HIP1: variants seen among roughly 807,000 people sequenced by gnomAD.
HIP1 encodes the protein huntingtin-interacting protein 1.
A neutral mutation model predicts 147.6 loss-of-function variants in HIP1; 65 were observed. The observed-to-expected ratio is 0.44, with a 90% CI of 0.36 to 0.54. HIP1 has a LOEUF of 0.54. Ranked by LOEUF, HIP1 falls within the 20% of genes least tolerant of loss-of-function variation. The pLI is 0.00. For missense variants in HIP1, 1,061 were observed against 1,299.6 expected, an observed-to-expected ratio of 0.82 and a Z score of 2.82; for synonymous variants, 479 against 504.0, an observed-to-expected ratio of 0.95 and a Z score of 0.67.
intron 1 of HIP1, chr7:75,625,987 T>A: frequency 6.6e-6 from 1 of 151,838 alleles, no homozygotes; most frequent in East Asian, 1.9e-4. Context: ...TCTTCTACCT[T>A]TTTTTTTGCC....
At chr7:75,623,414 A>T (rs1209149317) in intron 1 of HIP1, among the ~76,000 whole-genome samples, 1 of 152,046 alleles carries the variant, frequency 6.6e-6, no homozygotes, top group Non-Finnish European at 1.5e-5. Context: ...CATGCGCATG[A>T]GGAGAGGACG....
Position 75,581,250 on chromosome 7 carries a change from G to A in HIP1, c.591C>T (p.Asn197=). The change falls in exon 7 of 31, where the codon AAC becomes AAT. Residue 197 remains asparagine, a synonymous_variant. Coordinates refer to ENST00000336926, the MANE Select transcript of HIP1 (RefSeq NM_005338.7). The part of the protein sequence containing the change: ...EMFDYLECEL[N]LFQTVFNSLD... ...GAAGAGACTCACCTGTTTGGAAGAG[G>A]TTGAGTTCACACTCCAGGTAGTCAA... is the stretch of plus-strand genomic sequence containing the variant. The A allele has an allele frequency of 1.9e-6, 3 of 1,611,058 alleles. No individual in the cohort carries two copies. The highest frequency in any genetic ancestry group is 2.5e-6 in the Non-Finnish European group (3 of 1,178,408).
At chr7:75,664,468 G>A (rs905530467) in intron 1 of HIP1, among the ~76,000 whole-genome samples, 33 of 109,810 alleles carry the variant, frequency 3.0e-4, no homozygotes, top group Admixed American at 5.7e-4. Context: ...ATGTGTGTGT[G>A]TATACGTATA....
chr7:75,566,914 C>G (rs1554495602), intron 9 of HIP1, among the ~76,000 whole-genome samples: 1 of 151,076 alleles, frequency 6.6e-6, no homozygotes, highest in Non-Finnish European at 1.5e-5. Context: ...GAGTTCCAGA[C>G]CAGCCCGGCC....
chr7:75,730,341 A>ATT (rs113646244), intron 1 of HIP1, among the ~76,000 whole-genome samples: 105 of 143,454 alleles, frequency 7.3e-4, no homozygotes, highest in Admixed American at 2.6e-3. Context: ...GTAAAATAGG[A>ATT]TTTTTTTTTT....
intron 1 of HIP1, among the ~76,000 whole-genome samples, chr7:75,736,268 G>C (rs1039269850): frequency 6.6e-6 from 1 of 151,308 alleles, no homozygotes; most frequent in African/African-American, 2.4e-5. Flanking sequence ...TACCACTCAC[G>C]GGTGGAAACT....
intron 1 of HIP1, among the ~76,000 whole-genome samples, chr7:75,622,353 T>A (rs1554507272): frequency 6.7e-6 from 1 of 149,300 alleles, no homozygotes; most frequent in East Asian, 2.0e-4. Flanking sequence ...CACCAAGGAG[T>A]GAGTGCAGAT....
At chr7:75,681,803 C>T (rs1173187242) in intron 1 of HIP1, among the ~76,000 whole-genome samples, 1 of 151,818 alleles carries the variant, frequency 6.6e-6, no homozygotes, top group Non-Finnish European at 1.5e-5. Context: ...GCCTGGCCAG[C>T]ACCTGCTCTT....
At chr7:75,697,588 G>A (rs868925913) in intron 1 of HIP1, among the ~76,000 whole-genome samples, 2 of 152,114 alleles carry the variant, frequency 1.3e-5, no homozygotes, top group East Asian at 1.9e-4. Flanking sequence ...CAAGGCAGAC[G>A]GATCACTTGA....
At chr7:75,633,920 G>A (rs1798330507) in intron 1 of HIP1, among the ~76,000 whole-genome samples, 2 of 152,084 alleles carry the variant, frequency 1.3e-5, no homozygotes, top group Non-Finnish European at 2.9e-5. Context: ...TGAGGAAGCA[G>A]TGAGATTCAG....
intron 1 of HIP1, among the ~76,000 whole-genome samples, chr7:75,695,332 A>G (rs1800600115): frequency 6.6e-6 from 1 of 152,096 alleles, no homozygotes; most frequent in African/African-American, 2.4e-5. Context: ...CCTGGATGGG[A>G]AGTGGATGCC....
intron 1 of HIP1, among the ~76,000 whole-genome samples, chr7:75,664,068 G>GTATA (rs782200608): frequency 1.8e-5 from 1 of 54,850 alleles, no homozygotes; most frequent in Non-Finnish European, 3.8e-5. Context: ...ACATATATGT[G>GTATA]TATATACACA....
At chr7:75,713,448 G>T (rs782103131) in intron 1 of HIP1, among the ~76,000 whole-genome samples, 3 of 152,160 alleles carry the variant, frequency 2.0e-5, no homozygotes, top group Non-Finnish European at 4.4e-5. Flanking sequence ...TTTCTGCAAG[G>T]CTGCTTAGGA....
At chr7:75,738,341 G>A (rs1366234446) in intron 1 of HIP1, among the ~76,000 whole-genome samples, 5 of 152,106 alleles carry the variant, frequency 3.3e-5, no homozygotes, top group African/African-American at 1.2e-4. Context: ...GGATGTCAAT[G>A]CAACCAAGAA....
chr7:75,551,216 G>A (rs78485010), intron 22 of HIP1, among the ~76,000 whole-genome samples: 2 of 8,838 alleles, frequency 2.3e-4, no homozygotes, highest in African/African-American at 7.8e-4. Flanking sequence ...TTTTTTTTTT[G>A]AGGCAGTGTC....
At chr7:75,723,327 G>A (rs1286588858) in intron 1 of HIP1, among the ~76,000 whole-genome samples, 5 of 152,058 alleles carry the variant, frequency 3.3e-5, no homozygotes, top group Admixed American at 1.3e-4. Flanking sequence ...AGCCGAGATC[G>A]CGCCATTGCA....
At chr7:75,545,674 G>C (rs1014550598) in intron 25 of HIP1, among the ~76,000 whole-genome samples, 1 of 148,884 alleles carries the variant, frequency 6.7e-6, no homozygotes, top group Non-Finnish European at 1.5e-5. Flanking sequence ...GGCTAGGCGC[G>C]GTGGTTCACG....
intron 1 of HIP1, chr7:75,611,710 C>T (rs990362435): frequency 9.7e-7 from 1 of 1,032,048 alleles, no homozygotes; most frequent in Non-Finnish European, 1.2e-6. Flanking sequence ...TGAGAACAGG[C>T]TGTTCTCTGG....
chr7:75,734,909 C>T (rs1300950174), intron 1 of HIP1, among the ~76,000 whole-genome samples: 1 of 152,182 alleles, frequency 6.6e-6, no homozygotes, highest in Non-Finnish European at 1.5e-5. Context: ...GTGCTTTATC[C>T]ACGTGCTCTT....
Sources: allele counts gnomAD v4.1 joint callset (sites outside exome capture counted in the v4.1 genomes callset), GRCh38; gene constraint gnomAD v4.1.1; transcripts MANE v1.5; gene names NCBI Gene and HGNC (gene_info 2026-07-23, HGNC 2026-07-21).